The following HLA-DQB1 variants were observed in gnomAD, a reference collection of about 807,000 sequenced individuals.
HLA-DQB1 encodes the protein major histocompatibility complex, class II, DQ beta 1.
Under a neutral mutation model 26.4 loss-of-function variants are expected in HLA-DQB1, and 13 were observed. That is an observed-to-expected ratio of 0.49 (90% CI 0.32 to 0.78). The LOEUF (loss-of-function observed/expected upper bound fraction) is 0.78. HLA-DQB1 is among the 30% of genes least tolerant of loss of function. The probability of loss-of-function intolerance (pLI) is 0.03; values close to 1 mark genes in which losing one functional copy is unlikely to be tolerated. For synonymous variants in HLA-DQB1, 60 were observed against 129.1 expected, an observed-to-expected ratio of 0.46 and a Z score of 3.63; for missense variants, 158 against 326.2, an observed-to-expected ratio of 0.48 and a Z score of 3.97.
chr6:32,666,280 C>T (rs28746838), intron 1 of HLA-DQB1, among the ~76,000 whole-genome samples: 28,196 of 140,158 alleles, frequency 0.2, 3,014 homozygotes, highest in East Asian at 0.34. Context: ...CCTCTCTCCT[C>T]CTCTTCCAGG....
chr6:32,662,135 G>A lies in HLA-DQB1; in HGVS notation c.493C>T (p.Arg165Trp), dbSNP rs63626961. 2.5e-5 allele frequency: 36 copies of A among 1,467,070 alleles called. 1 individual carries two copies. The Admixed American group carries it at 2.5e-4, about 10-fold the overall frequency. The allele number at this position is 1,467,070 out of a possible 1,614,324, so 90.9% of individuals were successfully genotyped here. Residue 165 changes from arginine to tryptophan, a missense_variant, in exon 3 of 5, where the codon CGG becomes TGG. Arg to Trp is a moderately radical substitution (Grantham distance 101). Coordinates refer to ENST00000434651, the Ensembl canonical transcript of HLA-DQB1. ...CCGGCTGTCTCCTCCTGATCATTCC[G>A]AAACCACCGGACTTTGATCTGGCCT... is the stretch of plus-strand genomic sequence containing the variant.
intron 4 of HLA-DQB1, chr6:32,660,807 CT>C: frequency 9.8e-7 from 1 of 1,020,742 alleles, no homozygotes; most frequent in Non-Finnish European, 1.4e-6. Flanking sequence ...AGCTCATGCT[CT>C]TCCCTCTTAT....
At chr6:32,660,202 T>C (rs201738242) in exon 5 of HLA-DQB1, 1 of 880,356 alleles carries the variant, frequency 1.1e-6, no homozygotes, top group Admixed American at 3.2e-5. Flanking sequence ...CACAGAAGAG[T>C]GATAACCAAT....
chr6:32,663,514 G>A (rs71542451), intron 2 of HLA-DQB1: 1 of 115,220 alleles, frequency 8.7e-6, no homozygotes, highest in Non-Finnish European at 1.9e-5. Context: ...CATATGTGTA[G>A]TGAGGAACAT....
chr6:32,666,078 G>A (rs28534808), intron 1 of HLA-DQB1, among the ~76,000 whole-genome samples: 6,920 of 119,516 alleles, frequency 0.058, 390 homozygotes, highest in African/African-American at 0.078. Context: ...CAAATACAGA[G>A]ACTACAGACA....
At chr6:32,661,716 T>A in intron 3 of HLA-DQB1, 1 of 445,684 alleles carries the variant, frequency 2.2e-6, no homozygotes, top group Non-Finnish European at 3.9e-6. Context: ...TCACCAGCCC[T>A]AAGAATCAGT....
intron 1 of HLA-DQB1, among the ~76,000 whole-genome samples, chr6:32,665,306 C>T (rs9274431): frequency 0.2 from 26,529 of 135,848 alleles, 3,188 homozygotes; most frequent in Middle Eastern, 0.23. Context: ...CCTGTCCCTG[C>T]CTGAGCCTGT....
At chr6:32,661,711 A>T in intron 3 of HLA-DQB1, 1 of 441,302 alleles carries the variant, frequency 2.3e-6, no homozygotes, top group Non-Finnish European at 3.9e-6. Flanking sequence ...CCCAGTCACC[A>T]GCCCTAAGAA....
At chr6:32,662,154 C>G (rs41542812) in exon 3 of HLA-DQB1, 29,757 of 1,433,182 alleles carry the variant, frequency 0.021, 2,683 homozygotes, top group Middle Eastern at 0.063. Context: ...GGACTTTGAT[C>G]TGGCCTGGAT....
intron 1 of HLA-DQB1, 79 bp downstream of exon 1, chr6:32,666,420 T>G: frequency 2.0e-6 from 1 of 493,866 alleles, no homozygotes; most frequent in Non-Finnish European, 3.5e-6. Flanking sequence ...ATCATAGAGA[T>G]CACCATCCCC....
At chr6:32,666,255 A>G (rs9274501) in intron 1 of HLA-DQB1, among the ~76,000 whole-genome samples, 84,886 of 143,278 alleles carry the variant, frequency 0.59, 24,414 homozygotes, top group Middle Eastern at 0.73. Flanking sequence ...TGTACACTTT[A>G]TCTCCTCTTT....
At chr6:32,663,523 A>G (rs41263782) in intron 2 of HLA-DQB1, 27,272 of 135,142 alleles carry the variant, frequency 0.2, 3,093 homozygotes, top group Middle Eastern at 0.35. Context: ...AGTGAGGAAC[A>G]TAAGAATGTT....
exon 2 of HLA-DQB1, chr6:32,664,870 T>C (rs1130390): frequency 0.22 from 249,681 of 1,145,552 alleles, 65,359 homozygotes; most frequent in South Asian, 0.28. Flanking sequence ...TCCGCCCGGG[T>C]CCCCTCCAGG....
Position 32,660,267 on chromosome 6 carries a change from G to A in HLA-DQB1, c.773-18C>T, listed in dbSNP as rs764003327. On this transcript the variant is annotated intron_variant, in intron 4 of 4. Coordinates refer to ENST00000434651, the Ensembl canonical transcript of HLA-DQB1. ...CAGAAGCCCTGGAGAAGAGAGAAGAGCATTGATCAGCACAGGGTATCCTGG... is the reference window on the plus strand; with the variant it reads ...CAGAAGCCCTGGAGAAGAGAGAAGAACATTGATCAGCACAGGGTATCCTGG... 2 of 1,036,050 alleles carry A rather than the reference G, an allele frequency of 1.9e-6. 1 individual carries two copies. Among genetic ancestry groups the A allele is most frequent in the Non-Finnish European group, 2.7e-6 (2 of 730,536 alleles). The allele number at this position is 1,036,050 out of a possible 1,614,324, so 64.2% of individuals were successfully genotyped here.
intron 4 of HLA-DQB1, chr6:32,660,709 C>A: frequency 2.1e-6 from 1 of 465,502 alleles, no homozygotes; most frequent in Non-Finnish European, 3.9e-6. Context: ...CTGGAGATTC[C>A]TAGAAACTGG....
In HLA-DQB1 at chr6:32,664,916, C is replaced by G. The variant is rs41557617; in HGVS notation, c.261G>C (p.Arg87=). 3.4e-5 allele frequency: 46 copies of G among 1,363,482 alleles called. 3 individuals are homozygous for G. Among genetic ancestry groups the G allele is most frequent in the Non-Finnish European group, 4.4e-5 (43 of 966,310 alleles). The allele number at this position is 1,363,482 out of a possible 1,614,324, so 84.5% of individuals were successfully genotyped here. The stretch of plus-strand genomic sequence containing the variant: ...GGCTGTTCCAGTACTCGGCATCAGG[C>G]CGCCCCTGCGGCGTCACCGCGCGGT... Residue 87 remains arginine (R), a synonymous_variant, in exon 2 of 5, where the codon CGG becomes CGC. Transcript: ENST00000434651.
rs570286881 is a variant in HLA-DQB1, at chr6:32,660,100, G to A, written c.*136C>T. On this transcript the variant is annotated 3_prime_UTR_variant, in exon 5 of 5. Coordinates refer to ENST00000434651, the Ensembl canonical transcript of HLA-DQB1. ...GGGTGGGGATGAAAGGAGATGACCTGGTGGCTGCGTGACAGCCACTGTAGG... is the reference window on the plus strand; with the variant it reads ...GGGTGGGGATGAAAGGAGATGACCTAGTGGCTGCGTGACAGCCACTGTAGG... 7.7e-5 allele frequency: 35 copies of A among 455,064 alleles called. 3 individuals carry two copies. Among genetic ancestry groups the A allele is most frequent in the African/African-American group, 7.4e-4 (35 of 47,252 alleles). The allele number at this position is 455,064 out of a possible 1,614,324, so 28.2% of individuals were successfully genotyped here.
At chr6:32,661,772 G>A (rs28724252) in intron 3 of HLA-DQB1, 195 bp downstream of exon 3, 71,701 of 517,472 alleles carry the variant, frequency 0.14, 7,588 homozygotes, top group East Asian at 0.3. Flanking sequence ...AGTATGTAGA[G>A]TAATTTCCCT....
At chr6:32,662,316 G>T (rs28724258) in intron 2 of HLA-DQB1, 68 bp from the exon 3 acceptor site, 36,845 of 609,232 alleles carry the variant, frequency 0.06, 2,127 homozygotes, top group East Asian at 0.19. Context: ...CGTCTACCAT[G>T]AGGAAGGATC....
Sources: allele counts gnomAD v4.1 joint callset (sites outside exome capture counted in the v4.1 genomes callset), GRCh38; gene constraint gnomAD v4.1.1; transcripts MANE v1.5; gene names NCBI Gene and HGNC (gene_info 2026-07-23, HGNC 2026-07-21).